LCLAT1: variants seen among roughly 807,000 people sequenced by gnomAD.
The protein encoded by LCLAT1 is 1-AGP acyltransferase 8.
Under a neutral mutation model 30.7 loss-of-function variants are expected in LCLAT1, and 11 were observed. The observed-to-expected ratio is 0.36, with a 90% confidence interval of 0.23 to 0.59. The LOEUF is 0.59. Ranked by LOEUF, LCLAT1 falls within the 20% of genes least tolerant of loss-of-function variation. The pLI is 0.77. For synonymous variants in LCLAT1, 155 were observed against 151.3 expected, an observed-to-expected ratio of 1.02 and a Z score of -0.18; for missense variants, 402 against 458.6, an observed-to-expected ratio of 0.88 and a Z score of 1.13.
At chr2:30,539,342 T>C (rs1664001843) in intron 3 of LCLAT1, among the ~76,000 whole-genome samples, 1 of 145,066 alleles carries the variant, frequency 6.9e-6, no homozygotes, top group Non-Finnish European at 1.5e-5. Context: ...AATCTTGAAC[T>C]GGGCTCAAGT....
intron 3 of LCLAT1, among the ~76,000 whole-genome samples, chr2:30,551,830 A>T (rs1012890641): frequency 2.6e-5 from 4 of 152,172 alleles, no homozygotes; most frequent in Non-Finnish European, 4.4e-5. Context: ...CTTAAAAAAA[A>T]TTTATTTTTA....
intron 5 of LCLAT1, among the ~76,000 whole-genome samples, chr2:30,631,518 A>T (rs955352244): frequency 3.3e-5 from 5 of 152,218 alleles, no homozygotes; most frequent in Admixed American, 6.5e-5. Flanking sequence ...AGGGTGCTGA[A>T]GGGCCAGTGT....
At chr2:30,466,273 T>TTC (rs1682426119) in intron 1 of LCLAT1, among the ~76,000 whole-genome samples, 1 of 148,908 alleles carries the variant, frequency 6.7e-6, no homozygotes, top group African/African-American at 2.4e-5. Context: ...TTCTTTTTTT[T>TTC]TTCTTTGAGA....
intron 1 of LCLAT1, among the ~76,000 whole-genome samples, chr2:30,456,529 AG>A (rs950025013): frequency 6.7e-6 from 1 of 149,442 alleles, no homozygotes; most frequent in Non-Finnish European, 1.5e-5. Context: ...GTGGAAACTT[AG>A]GCTCCCTACA....
At chr2:30,560,801 C>T (rs886064716) in intron 3 of LCLAT1, among the ~76,000 whole-genome samples, 2 of 152,198 alleles carry the variant, frequency 1.3e-5, no homozygotes, top group Non-Finnish European at 2.9e-5. Context: ...TCTATTCCTG[C>T]ATGGCAGGAA....
intron 1 of LCLAT1, among the ~76,000 whole-genome samples, chr2:30,516,119 G>A (rs1685168063): frequency 6.6e-6 from 1 of 152,186 alleles, no homozygotes; most frequent in African/African-American, 2.4e-5. Context: ...AAAAGCAGGA[G>A]GTAAAGAAAT....
At position 30,516,594 on chromosome 2, in the gene LCLAT1, C is replaced by G. The variant is rs73922658; in HGVS notation, c.-4-8993C>G. ...TCCCCTCGTGGCCCAAGGTTCCATTCCTTGGAATCCTTGAGGCCAAGAACC... is the reference window on the plus strand; with the variant it reads ...TCCCCTCGTGGCCCAAGGTTCCATTGCTTGGAATCCTTGAGGCCAAGAACC... On this transcript the variant is annotated intron_variant, in intron 1 of 5. Coordinates refer to ENST00000379509, the MANE Select transcript of LCLAT1 (RefSeq NM_001002257.3). Among the ~76,000 whole-genome samples the G allele has an allele frequency of 7.2e-3, 1,090 of 152,268 alleles. 10 individuals are homozygous for G. The highest frequency in any genetic ancestry group is 0.025 in the African/African-American group (1,059 of 41,538).
chr2:30,482,954 T>A (rs829686), intron 1 of LCLAT1, among the ~76,000 whole-genome samples: 1 of 151,970 alleles, frequency 6.6e-6, no homozygotes, highest in Non-Finnish European at 1.5e-5. Flanking sequence ...GAAACTGTCA[T>A]GGCCAAGAGG....
intron 5 of LCLAT1, among the ~76,000 whole-genome samples, chr2:30,590,733 T>C (rs1666654967): frequency 6.6e-6 from 1 of 151,892 alleles, no homozygotes. Context: ...CATGGAAATA[T>C]ATTAAATATA....
chr2:30,482,699 G>C (rs187600582), intron 1 of LCLAT1, among the ~76,000 whole-genome samples: 1 of 151,964 alleles, frequency 6.6e-6, no homozygotes, highest in Non-Finnish European at 1.5e-5. Context: ...GCTTTAGGAG[G>C]CTGAGGCAGG....
At chr2:30,456,346 C>T (rs1289543937) in intron 1 of LCLAT1, among the ~76,000 whole-genome samples, 1 of 152,154 alleles carries the variant, frequency 6.6e-6, no homozygotes, top group African/African-American at 2.4e-5. Context: ...TCATTACTGC[C>T]AGGTGGGAGG....
At chr2:30,604,776 G>C (rs919883875) in intron 5 of LCLAT1, among the ~76,000 whole-genome samples, 1 of 152,094 alleles carries the variant, frequency 6.6e-6, no homozygotes, top group African/African-American at 2.4e-5. Flanking sequence ...ATATTTGAAG[G>C]ATTGTTATCC....
chr2:30,500,609 A>C (rs1558478956), intron 1 of LCLAT1, among the ~76,000 whole-genome samples: 1 of 152,230 alleles, frequency 6.6e-6, no homozygotes, highest in Non-Finnish European at 1.5e-5. Context: ...CATAGCAGAT[A>C]GATTTAGGGG....
chr2:30,462,669 T>G (rs1291318244), intron 1 of LCLAT1, among the ~76,000 whole-genome samples: 2 of 152,242 alleles, frequency 1.3e-5, no homozygotes, highest in Non-Finnish European at 2.9e-5. Context: ...GCTTTGTCCT[T>G]TGAAGCTAGA....
At chr2:30,565,299 C>T (rs1310522549) in intron 4 of LCLAT1, among the ~76,000 whole-genome samples, 1 of 152,122 alleles carries the variant, frequency 6.6e-6, no homozygotes, top group African/African-American at 2.4e-5. Flanking sequence ...AGGCAGAATT[C>T]TTTCTTCCTT....
At chr2:30,474,032 A>T (rs994769651) in intron 1 of LCLAT1, among the ~76,000 whole-genome samples, 3 of 152,266 alleles carry the variant, frequency 2.0e-5, no homozygotes, top group African/African-American at 7.2e-5. Flanking sequence ...TAAAGATAAT[A>T]TAATGACTTA....
intron 5 of LCLAT1, among the ~76,000 whole-genome samples, chr2:30,623,837 AAAGAATCTT>A (rs964933316): frequency 1.3e-5 from 2 of 152,238 alleles, no homozygotes; most frequent in African/African-American, 4.8e-5. Context: ...AAGATGAAAG[AAAGAATCTT>A]AAGAGCTGTA....
chr2:30,563,182 A>G (rs1454825978), intron 4 of LCLAT1, among the ~76,000 whole-genome samples: 2 of 151,952 alleles, frequency 1.3e-5, no homozygotes, highest in African/African-American at 2.4e-5. Context: ...TACTACCACC[A>G]CACCTGGCTA....
At chr2:30,636,024 G>A (rs1184241413) in intron 5 of LCLAT1, among the ~76,000 whole-genome samples, 1 of 152,128 alleles carries the variant, frequency 6.6e-6, no homozygotes, top group African/African-American at 2.4e-5. Flanking sequence ...ACCCAAATGA[G>A]GTTATCAGTG....
Sources: gnomAD v4.1 joint callset for allele counts (sites outside exome capture counted in the v4.1 genomes callset) on GRCh38, gnomAD v4.1.1 for gene constraint, MANE v1.5 for transcripts, NCBI Gene and HGNC (gene_info 2026-07-23, HGNC 2026-07-21) for gene names.